Variants in EYS observed in about 807,000 individuals in gnomAD.
EYS encodes the protein protein eyes shut homolog.
Under a neutral mutation model 282.1 loss-of-function variants are expected in EYS, and 250 were observed. The observed-to-expected ratio is 0.89, with a 90% CI of 0.80 to 0.98. The LOEUF (loss-of-function observed/expected upper bound fraction) is 0.98, where lower values mean the gene tolerates loss of function less well. Among genes scored for constraint, EYS ranks in the 50% least tolerant of loss-of-function variants. The probability of loss-of-function intolerance (pLI) is 0.00; values close to 1 mark genes in which losing one functional copy is unlikely to be tolerated. For synonymous variants in EYS, 1,355 were observed against 1,282.9 expected, an observed-to-expected ratio of 1.06 and a Z score of -1.20; for missense variants, 4,016 against 3,709.0, an observed-to-expected ratio of 1.08 and a Z score of -2.15.
chr6:64,222,893 TTTAGTC>T (rs1304082309), intron 31 of EYS, among the ~76,000 whole-genome samples: 1 of 151,980 alleles, frequency 6.6e-6, no homozygotes, highest in Admixed American at 6.6e-5. Context: ...AGTAATTTGT[TTTAGTC>T]TTATATTAAG....
At chr6:64,125,576 G>C (rs1773751802) in intron 31 of EYS, among the ~76,000 whole-genome samples, 1 of 151,686 alleles carries the variant, frequency 6.6e-6, no homozygotes, top group Admixed American at 6.6e-5. Context: ...GTGAGGTCAG[G>C]GGATCAAGAC....
intron 31 of EYS, among the ~76,000 whole-genome samples, chr6:64,164,185 T>A (rs1275462251): frequency 6.6e-6 from 1 of 152,148 alleles, no homozygotes; most frequent in Non-Finnish European, 1.5e-5. Context: ...TTCTCCACTT[T>A]ACTTCTTAAT....
chr6:63,902,345 G>C (rs528031626), intron 35 of EYS, among the ~76,000 whole-genome samples: 1 of 152,160 alleles, frequency 6.6e-6, no homozygotes, highest in Admixed American at 6.5e-5. Flanking sequence ...GATAAATAAA[G>C]ACTGAGAATT....
intron 28 of EYS, chr6:64,412,691 G>A (rs1468853795): frequency 6.6e-6 from 1 of 152,064 alleles, no homozygotes; most frequent in East Asian, 1.9e-4. Context: ...GTGGAAATTA[G>A]CATGGCCACT....
chr6:65,272,322 C>G (rs1767927881), intron 12 of EYS, among the ~76,000 whole-genome samples: 2 of 152,024 alleles, frequency 1.3e-5, no homozygotes, highest in African/African-American at 4.8e-5. Flanking sequence ...AGAGTGTTCC[C>G]TTGACTTTGA....
intron 22 of EYS, among the ~76,000 whole-genome samples, chr6:64,773,823 G>C: frequency 6.6e-6 from 1 of 151,794 alleles, no homozygotes; most frequent in East Asian, 1.9e-4. Context: ...TAATGGAGTT[G>C]TTTGTTTTTT....
intron 14 of EYS, among the ~76,000 whole-genome samples, chr6:64,985,336 G>T (rs191725343): frequency 1.3e-5 from 2 of 151,576 alleles, no homozygotes; most frequent in Admixed American, 1.3e-4. Flanking sequence ...AATTATTTGG[G>T]GATCTGACTA....
intron 26 of EYS, among the ~76,000 whole-genome samples, chr6:64,452,845 T>C (rs570100422): frequency 2.4e-4 from 36 of 152,172 alleles, no homozygotes; most frequent in Non-Finnish European, 5.0e-4. Context: ...TTATACCTTA[T>C]ACAAAAATTA....
chr6:65,321,222 A>G (rs903706591), intron 11 of EYS, among the ~76,000 whole-genome samples: 4 of 151,932 alleles, frequency 2.6e-5, no homozygotes, highest in East Asian at 2.0e-4. Context: ...GCCAAGAAAT[A>G]TGATTCTTCT....
intron 5 of EYS, among the ~76,000 whole-genome samples, chr6:65,483,644 C>T (rs1765680360): frequency 6.6e-6 from 1 of 151,648 alleles, no homozygotes; most frequent in African/African-American, 2.4e-5. Flanking sequence ...TTTGAAGAAA[C>T]CCATAATAAA....
intron 22 of EYS, among the ~76,000 whole-genome samples, chr6:64,692,999 T>TTTTTTTTTTTTTTTTTTTA (rs1770444903): frequency 1.5e-5 from 1 of 66,072 alleles, no homozygotes; most frequent in Non-Finnish European, 3.6e-5. Flanking sequence ...TTTTTTTTTT[T>TTTTTTTTTTTTTTTTTTTA]GGTTCCAGAG....
intron 28 of EYS, among the ~76,000 whole-genome samples, chr6:64,391,065 A>T (rs985549897): frequency 2.0e-5 from 3 of 152,204 alleles, no homozygotes; most frequent in African/African-American, 7.2e-5. Context: ...CGAGAAGGGA[A>T]GTTTAGAGAA....
chr6:63,871,451 A>T (rs1772802122), intron 35 of EYS, among the ~76,000 whole-genome samples: 1 of 152,144 alleles, frequency 6.6e-6, no homozygotes, highest in East Asian at 1.9e-4. Context: ...ACTTGAGGTC[A>T]GGAGTTCAAT....
At chr6:64,012,100 AT>A (rs1768667185) in intron 33 of EYS, among the ~76,000 whole-genome samples, 1 of 150,950 alleles carries the variant, frequency 6.6e-6, no homozygotes, top group African/African-American at 2.5e-5. Context: ...AATGTTAAAA[AT>A]GAATGCAAAA....
In EYS at chr6:64,495,906, C is replaced by T. The variant is rs1028202811; in HGVS notation, c.5645-56554G>A. ...AAATGATATCAGATTTTTATTTTCT[C>T]TTCAATCATTGTTTTGAAAACATAT... On this transcript the variant is annotated intron_variant, in intron 26 of 42. Coordinates refer to ENST00000503581, the MANE Select transcript of EYS (RefSeq NM_001142800.2). 7.2e-5 allele frequency among the ~76,000 whole-genome samples: 11 copies of T among 151,816 alleles called. No individual in the cohort carries two copies. In the South Asian group the frequency reaches 2.1e-3, roughly 29 times the overall value.
chr6:65,385,854 C>T (rs1330771404), intron 7 of EYS, among the ~76,000 whole-genome samples: 1 of 151,930 alleles, frequency 6.6e-6, no homozygotes, highest in Non-Finnish European at 1.5e-5. Context: ...CAAATACCAA[C>T]TTAATGAAAG....
intron 2 of EYS, among the ~76,000 whole-genome samples, chr6:65,622,071 C>G (rs1231776406): frequency 1.3e-5 from 2 of 152,112 alleles, no homozygotes; most frequent in Non-Finnish European, 2.9e-5. Flanking sequence ...AACTGAACAA[C>G]TTTTCCAGTT....
At chr6:64,578,615 G>C (rs1386538282) in intron 26 of EYS, among the ~76,000 whole-genome samples, 1 of 145,330 alleles carries the variant, frequency 6.9e-6, no homozygotes, top group Admixed American at 7.0e-5. Flanking sequence ...GTGTGTGTGT[G>C]TGTGTGGTGT....
chr6:64,118,027 GA>G (rs560205509), intron 31 of EYS, among the ~76,000 whole-genome samples: 3 of 151,724 alleles, frequency 2.0e-5, no homozygotes, highest in Admixed American at 6.6e-5. Context: ...AAACACTGAT[GA>G]AAAAAAATGG....
Sources: allele counts gnomAD v4.1 joint callset (sites outside exome capture counted in the v4.1 genomes callset), GRCh38; gene constraint gnomAD v4.1.1; transcripts MANE v1.5; gene names NCBI Gene and HGNC (gene_info 2026-07-23, HGNC 2026-07-21).